The following PHACTR2 variants were observed in gnomAD, a reference collection of about 807,000 sequenced individuals.
PHACTR2 encodes phosphatase and actin regulator 2.
In PHACTR2, 30 loss-of-function variants were observed where a neutral mutation model predicts 76.0. The ratio of observed to expected loss-of-function variants is 0.39; its 90% CI spans 0.30 to 0.54. PHACTR2 has a LOEUF of 0.54. Among genes scored for constraint, PHACTR2 ranks in the 20% least tolerant of loss-of-function variants. PHACTR2 has a pLI of 0.61. For missense variants in PHACTR2, 696 were observed against 781.1 expected (o/e 0.89, Z 1.30); for synonymous variants, 292 against 292.5 (o/e 1.00, Z 0.02).
rs1776550301 is a variant in PHACTR2 at position 143,827,155 on chromosome 6, A to AATAAAT, written c.*3469_*3470insAATATA. Reference sequence around the variant, plus strand: ...GGGCTGCGTTGGCATTAAAAAAGAAAATATATATATATATATATATATATA... The same window carrying AATAAAT: ...GGGCTGCGTTGGCATTAAAAAAGAAAATAAATATATATATATATATATATATATATA... On this transcript the variant is annotated 3_prime_UTR_variant, in exon 13 of 13. Coordinates refer to ENST00000440869, the MANE Select transcript of PHACTR2 (RefSeq NM_001100164.2). The AATAAAT allele has an allele frequency of 1.3e-5, 1 of 77,232 alleles. No homozygotes were observed. The highest frequency in any genetic ancestry group is 5.6e-4 in the East Asian group (1 of 1,794). 4.8% of individuals were successfully genotyped at this position (77,232 alleles called of 1,614,324 possible).
chr6:143,538,581 G>A (rs1450099546), intron 1 of PHACTR2, among the ~76,000 whole-genome samples: 4 of 152,200 alleles, frequency 2.6e-5, no homozygotes, highest in African/African-American at 9.7e-5. Context: ...CCACTGCCCT[G>A]GTTTTCAGGC....
chr6:143,718,515 A>G (rs1211919308), intron 2 of PHACTR2, among the ~76,000 whole-genome samples: 1 of 152,252 alleles, frequency 6.6e-6, no homozygotes. Context: ...AGGACTGATC[A>G]CTGAAAGGTG....
chr6:143,608,197 C>A lies in PHACTR2; in HGVS notation c.-113C>A. ...CTGCAGACAGTGCATGAAGTATGCTCAGTGTGCCAGCAAGGGCTGATAATC... is the reference window on the plus strand; with the variant it reads ...CTGCAGACAGTGCATGAAGTATGCTAAGTGTGCCAGCAAGGGCTGATAATC... On this transcript the variant is annotated 5_prime_UTR_variant, in exon 1 of 12. Transcript: ENST00000305766. This position sits in a 1 kb window ranked among gnomAD's most constrained non-coding sequence, Gnocchi z 4.6. The A allele has an allele frequency of 2.9e-6, 3 of 1,052,010 alleles. No homozygotes were observed. Among genetic ancestry groups the A allele is most frequent in the South Asian group, 2.6e-5 (2 of 76,944 alleles). 65.2% of individuals were successfully genotyped at this position (1,052,010 alleles called of 1,614,324 possible).
chr6:143,792,828 G>A (rs2128480562), intron 11 of PHACTR2, among the ~76,000 whole-genome samples: 1 of 152,242 alleles, frequency 6.6e-6, no homozygotes, highest in East Asian at 1.9e-4. Context: ...AATGTCCCAA[G>A]AGAACCAGGT....
chr6:143,763,797 A>G (rs1468396062), intron 5 of PHACTR2, among the ~76,000 whole-genome samples: 1 of 152,254 alleles, frequency 6.6e-6, no homozygotes, highest in African/African-American at 2.4e-5. Context: ...CAATAAAGTC[A>G]TAACTGGAGG....
rs1027269989 is a variant in PHACTR2, at chr6:143,621,810, A to T, written c.13+13488A>T. 5.9e-5 allele frequency among the ~76,000 whole-genome samples: 9 copies of T among 152,070 alleles called. No individual in the cohort carries two copies. The highest frequency in any genetic ancestry group is 8.8e-5 in the Non-Finnish European group (6 of 68,018). On this transcript the variant is annotated intron_variant, in intron 1 of 11. Coordinates refer to the PHACTR2 transcript ENST00000305766. This position sits in a 1 kb window ranked among gnomAD's most constrained non-coding sequence, Gnocchi z 4.1. ...TTTAAATCTTTGCGAACAGTAGCTC[A>T]TTTCTTCCTCTCAGCTACCTCCCAA...
chr6:143,704,815 A>G (rs932488217), intron 1 of PHACTR2, among the ~76,000 whole-genome samples: 8 of 152,004 alleles, frequency 5.3e-5, no homozygotes, highest in Admixed American at 4.6e-4. Context: ...GTTTTGAATG[A>G]CCTTGGCAGT....
intron 2 of PHACTR2, among the ~76,000 whole-genome samples, chr6:143,712,564 T>A (rs1280724312): frequency 6.6e-6 from 1 of 151,670 alleles, no homozygotes; most frequent in African/African-American, 2.4e-5. Flanking sequence ...ATACTATTTA[T>A]ATTAATATAT....
rs919894374 is a variant in PHACTR2 at position 143,571,899 on chromosome 6, A to G, written c.217+34692A>G. ...TCATGTTCTTGGAAAATTAATATTT[A>G]CCATATGGGAGATCTCTATGTAGGA... is the stretch of plus-strand genomic sequence containing the variant. On this transcript the variant is annotated intron_variant, in intron 1 of 11. Transcript: ENST00000367584. The surrounding 1 kb of genome is among the most constrained non-coding windows in gnomAD (Gnocchi z 4.6). Among the ~76,000 whole-genome samples, 2 of 152,184 alleles carry G rather than the reference A, an allele frequency of 1.3e-5. No homozygotes were observed. Among genetic ancestry groups the G allele is most frequent in the African/African-American group, 4.8e-5 (2 of 41,440 alleles).
chr6:143,826,743 A>G lies in PHACTR2; in HGVS notation c.*3054A>G, dbSNP rs897712403. On this transcript the variant is annotated 3_prime_UTR_variant, in exon 13 of 13. Transcript: ENST00000440869. ...AGCTTGCCTGATAATTTCCTGTGTT[A>G]TGTGAAGTGTCTTGCACTTTCACAT... is the stretch of plus-strand genomic sequence containing the variant. The G allele has an allele frequency of 1.3e-5, 2 of 152,174 alleles. No individual in the cohort carries two copies. Among genetic ancestry groups the G allele is most frequent in the Non-Finnish European group, 2.9e-5 (2 of 68,032 alleles). 9.4% of individuals were successfully genotyped at this position (152,174 alleles called of 1,614,324 possible).
At position 143,678,069 on chromosome 6, in the gene PHACTR2, G is replaced by T; in HGVS notation, c.-95G>T. On this transcript the variant is annotated 5_prime_UTR_variant, in exon 1 of 13. Coordinates refer to ENST00000440869, the MANE Select transcript of PHACTR2 (RefSeq NM_001100164.2). The surrounding 1 kb of genome is among the most constrained non-coding windows in gnomAD (Gnocchi z 6.2). ...CGGCGGGCCGCTCGGCACAGGCCGG[G>T]ACATGAACGCCTGGAAGTCTGGCTG... is the stretch of plus-strand genomic sequence containing the variant. 1 of 1,539,930 alleles carries T rather than the reference G, an allele frequency of 6.5e-7. No homozygotes were observed.
intron 1 of PHACTR2, among the ~76,000 whole-genome samples, chr6:143,631,394 G>C (rs554022250): frequency 2.0e-5 from 3 of 152,128 alleles, no homozygotes; most frequent in African/African-American, 7.2e-5. Context: ...GGGTCTCACT[G>C]TGCTGCCCAG....
rs1039832087 is a variant in PHACTR2 at position 143,828,905 on chromosome 6, G to A, written c.*5216G>A. 1 of 152,138 alleles carries A rather than the reference G, an allele frequency of 6.6e-6. No homozygotes were observed. Among genetic ancestry groups the A allele is most frequent in the African/African-American group, 2.4e-5 (1 of 41,434 alleles). 9.4% of individuals were successfully genotyped at this position (152,138 alleles called of 1,614,324 possible). ...TTCAAATGCCCTCCCTGGGAGGTTG[G>A]TATCACCTCCCCTGAATGCCACTGT... is the stretch of plus-strand genomic sequence containing the variant. On this transcript the variant is annotated 3_prime_UTR_variant, in exon 13 of 13. Coordinates refer to ENST00000440869, the MANE Select transcript of PHACTR2 (RefSeq NM_001100164.2). This position sits in a 1 kb window ranked among gnomAD's most constrained non-coding sequence, Gnocchi z 4.7.
intron 6 of PHACTR2, among the ~76,000 whole-genome samples, chr6:143,766,523 C>T (rs1488941833): frequency 6.6e-6 from 1 of 152,160 alleles, no homozygotes; most frequent in Non-Finnish European, 1.5e-5. Flanking sequence ...TTTAACATTG[C>T]GGAAGCAGCA....
chr6:143,662,754 G>A lies in PHACTR2; in HGVS notation c.14-49262G>A, dbSNP rs982812546. ...GTTTTTTCTTTTTTTCTTTAATTTC[G>A]GCTTTTATTTTTGATACAGGGGGTA... On this transcript the variant is annotated intron_variant, in intron 1 of 11. Coordinates refer to the PHACTR2 transcript ENST00000305766. The surrounding 1 kb of genome is among the most constrained non-coding windows in gnomAD (Gnocchi z 4.7). 3.3e-5 allele frequency among the ~76,000 whole-genome samples: 5 copies of A among 150,986 alleles called. No individual in the cohort carries two copies. The highest frequency in any genetic ancestry group is 6.6e-5 in the Admixed American group (1 of 15,150).
In PHACTR2 at chr6:143,656,810, A is replaced by G. The variant is rs1776855986; in HGVS notation, c.13+48488A>G. 6.6e-6 allele frequency among the ~76,000 whole-genome samples: 1 copy of G among 152,220 alleles called. No individual in the cohort carries two copies. Among genetic ancestry groups the G allele is most frequent in the South Asian group, 2.1e-4 (1 of 4,836 alleles). On this transcript the variant is annotated intron_variant, in intron 1 of 11. Coordinates refer to the PHACTR2 transcript ENST00000305766. The surrounding 1 kb of genome is among the most constrained non-coding windows in gnomAD (Gnocchi z 5.3). ...TGCAATCCGCAAAAAGATGAACACA[A>G]TAGACATGTTAATTCCCAAACTTAG...
chr6:143,551,392 T>A (rs1331861577), intron 1 of PHACTR2, among the ~76,000 whole-genome samples: 2 of 152,256 alleles, frequency 1.3e-5, no homozygotes, highest in Admixed American at 6.5e-5. Context: ...CAAAATACCT[T>A]ACTTCACTGT....
chr6:143,597,186 C>A lies in PHACTR2; in HGVS notation c.217+59979C>A, dbSNP rs566356294. Among the ~76,000 whole-genome samples, 18 of 152,210 alleles carry A rather than the reference C, an allele frequency of 1.2e-4. No individual in the cohort carries two copies. The highest frequency in any genetic ancestry group is 6.5e-4 in the Admixed American group (10 of 15,280). ...CCATTGTAGGGAGGGACAGGAATGA[C>A]TTCCAGGAAGATAGTTGCTCAACCT... On this transcript the variant is annotated intron_variant, in intron 1 of 11. Coordinates refer to the PHACTR2 transcript ENST00000367584. This position sits in a 1 kb window ranked among gnomAD's most constrained non-coding sequence, Gnocchi z 5.7.
chr6:143,554,615 G>A lies in PHACTR2; in HGVS notation c.217+17408G>A, dbSNP rs917655064. 2.0e-5 allele frequency: 3 copies of A among 152,196 alleles called. No homozygotes were observed. The highest frequency in any genetic ancestry group is 6.5e-5 in the Admixed American group (1 of 15,276). 9.4% of individuals were successfully genotyped at this position (152,196 alleles called of 1,614,324 possible). A position where few individuals can be genotyped will look rare whatever the true frequency, so the allele number is the denominator to read the frequency against. ...GGAAAGGTGAAGGGCTAAGGAACTC[G>A]ATTGAGGGTGGGAGTTCTCGGTAAA... On this transcript the variant is annotated intron_variant, in intron 1 of 11. Coordinates refer to the PHACTR2 transcript ENST00000367584. The surrounding 1 kb of genome is among the most constrained non-coding windows in gnomAD (Gnocchi z 5.9).
Sources: gnomAD v4.1 joint callset for allele counts (sites outside exome capture counted in the v4.1 genomes callset) on GRCh38, gnomAD v4.1.1 for gene constraint, Gnocchi (gnomAD v3.1) non-coding constraint, MANE v1.5 for transcripts, NCBI Gene and HGNC (gene_info 2026-07-23, HGNC 2026-07-21) for gene names.